ATL1: variants seen among roughly 807,000 people sequenced by gnomAD.
ATL1 encodes the protein atlastin GTPase 1.
Under a neutral mutation model 75.5 loss-of-function variants are expected in ATL1, and 31 were observed. The observed-to-expected ratio is 0.41, with a 90% CI of 0.31 to 0.55. ATL1 has a LOEUF of 0.55. Ranked by LOEUF, ATL1 falls within the 20% of genes least tolerant of loss-of-function variation. The pLI, the probability that ATL1 is intolerant of heterozygous loss-of-function variation, is 0.27. For synonymous variants in ATL1, 226 were observed against 233.3 expected (o/e 0.97, Z 0.28); for missense variants, 405 against 662.6 (o/e 0.61, Z 4.27).
intron 1 of ATL1, 31 bp from the exon 2 acceptor site, chr14:50,587,800 T>G (rs748928335): frequency 4.4e-5 from 71 of 1,613,942 alleles, no homozygotes; most frequent in Non-Finnish European, 5.1e-6. Flanking sequence ...TTGAGATGAT[T>G]AGCTGAACCA....
chr14:50,570,169 C>T (rs2038941469), intron 1 of ATL1, among the ~76,000 whole-genome samples: 2 of 152,146 alleles, frequency 1.3e-5, no homozygotes, highest in African/African-American at 4.8e-5. Context: ...GTAACTATTA[C>T]AATGTGTATG....
At chr14:50,555,885 T>C (rs141877576), upstream of ATL1, among the ~76,000 whole-genome samples, 48 of 152,268 alleles carry the variant, frequency 3.2e-4, no homozygotes, top group African/African-American at 1.1e-3. Flanking sequence ...TTGCTATTTA[T>C]AGAGGGAAGG....
At chr14:50,630,087 TA>T in intron 13 of ATL1, 78 bp downstream of exon 13, 1 of 1,094,016 alleles carries the variant, frequency 9.1e-7, no homozygotes, top group Non-Finnish European at 1.3e-6. Context: ...ACTAAGCCAT[TA>T]AAAGATGTCT....
At chr14:50,584,731 A>T (rs1347785172) in intron 1 of ATL1, among the ~76,000 whole-genome samples, 2 of 151,138 alleles carry the variant, frequency 1.3e-5, no homozygotes, top group African/African-American at 2.4e-5. Flanking sequence ...AAATAAATAA[A>T]AAATAAAATA....
In ATL1 at chr14:50,632,650, A is replaced by G. The variant is rs753479899; in HGVS notation, c.*311A>G. On this transcript the variant is annotated 3_prime_UTR_variant, in exon 14 of 14. Transcript: ENST00000358385. ...ATTTACTAAATTCTACTACTGGGTT[A>G]TAATTAAATCATGTGATATTCCACG... is the stretch of plus-strand genomic sequence containing the variant. 4.1e-6 allele frequency: 1 copy of G among 241,850 alleles called. No homozygotes were observed. The highest frequency in any genetic ancestry group is 8.3e-6 in the Non-Finnish European group (1 of 120,946). The allele number at this position is 241,850 out of a possible 1,614,324, so 15.0% of individuals were successfully genotyped here. A position where few individuals can be genotyped will look rare whatever the true frequency, so the allele number is the denominator to read the frequency against.
intron 6 of ATL1, among the ~76,000 whole-genome samples, chr14:50,611,867 G>A (rs7144714): frequency 0.5 from 76,271 of 151,896 alleles, 20,021 homozygotes; most frequent in East Asian, 0.74. Context: ...ATATCAACCA[G>A]TCCTGAACAT....
chr14:50,628,733 TA>T (rs1357975087), intron 12 of ATL1, among the ~76,000 whole-genome samples: 2 of 152,144 alleles, frequency 1.3e-5, no homozygotes, highest in Non-Finnish European at 2.9e-5. Context: ...TTTTTTTGGG[TA>T]GGGGGGCAGT....
At chr14:50,600,910 C>T (rs2039265501) in intron 6 of ATL1, among the ~76,000 whole-genome samples, 1 of 151,888 alleles carries the variant, frequency 6.6e-6, no homozygotes, top group South Asian at 2.1e-4. Context: ...TGAGATGAGC[C>T]TGAGCAACAT....
intron 10 of ATL1, among the ~76,000 whole-genome samples, chr14:50,622,327 G>C (rs1443628014): frequency 1.3e-5 from 2 of 152,290 alleles, no homozygotes; most frequent in East Asian, 3.9e-4. Context: ...CCAGGAGTTT[G>C]AGTCCAGCCT....
chr14:50,566,449 T>C (rs543077271), intron 1 of ATL1, among the ~76,000 whole-genome samples: 38 of 152,270 alleles, frequency 2.5e-4, no homozygotes, highest in African/African-American at 8.9e-4. Context: ...AAGAGCCTAA[T>C]ATAAAGGGAA....
intron 1 of ATL1, among the ~76,000 whole-genome samples, chr14:50,549,184 C>A (rs925078327): frequency 2.6e-5 from 4 of 152,096 alleles, no homozygotes; most frequent in African/African-American, 4.8e-5. Context: ...CCACCAATAC[C>A]CACTAGGACC....
chr14:50,560,123 C>A, upstream of ATL1: 1 of 951,882 alleles, frequency 1.1e-6, no homozygotes, highest in Non-Finnish European at 1.6e-6. Flanking sequence ...CTCCTTCCCA[C>A]CAGCGCCACA....
chr14:50,579,278 C>A (rs1445488970), intron 1 of ATL1, among the ~76,000 whole-genome samples: 1 of 152,094 alleles, frequency 6.6e-6, no homozygotes, highest in Non-Finnish European at 1.5e-5. Context: ...TGCAGTGGCA[C>A]CTTTGTTGTA....
intron 6 of ATL1, among the ~76,000 whole-genome samples, chr14:50,596,670 G>C (rs1159982410): frequency 6.6e-6 from 1 of 152,156 alleles, no homozygotes; most frequent in Admixed American, 6.5e-5. Context: ...AAGTTAGTAA[G>C]AAAGTGCTCA....
At chr14:50,591,821 TTTAA>T (rs1352022222) in intron 4 of ATL1, 182 bp downstream of exon 4, 17 of 563,392 alleles carry the variant, frequency 3.0e-5, no homozygotes, top group Non-Finnish European at 5.0e-5. Context: ...GTTACTGTAG[TTTAA>T]TTACTGACAA....
chr14:50,627,877 T>C (rs1454578962), intron 11 of ATL1, among the ~76,000 whole-genome samples, 154 bp from the exon 12 acceptor site: 5 of 152,152 alleles, frequency 3.3e-5, no homozygotes, highest in Admixed American at 1.3e-4. Flanking sequence ...GCCTCGTGGA[T>C]AGGGGGTGGA....
intron 4 of ATL1, among the ~76,000 whole-genome samples, chr14:50,593,098 T>C (rs1295698456): frequency 6.6e-6 from 1 of 151,746 alleles, no homozygotes; most frequent in Non-Finnish European, 1.5e-5. Context: ...GTGTAAGCCA[T>C]ACTTATACAA....
intron 1 of ATL1, among the ~76,000 whole-genome samples, chr14:50,582,483 C>T (rs1013502851): frequency 6.7e-5 from 10 of 150,130 alleles, no homozygotes; most frequent in African/African-American, 2.0e-4. Flanking sequence ...GATCTCAGCT[C>T]ACTGCAACCT....
At chr14:50,607,480 CAG>C (rs1204261661) in intron 6 of ATL1, among the ~76,000 whole-genome samples, 2 of 151,950 alleles carry the variant, frequency 1.3e-5, no homozygotes, top group East Asian at 3.9e-4. Context: ...GAGGTGAAAA[CAG>C]TAAGTTTTCT....
Sources: allele counts gnomAD v4.1 joint callset (sites outside exome capture counted in the v4.1 genomes callset), GRCh38; gene constraint gnomAD v4.1.1; transcripts MANE v1.5; gene names NCBI Gene and HGNC (gene_info 2026-07-23, HGNC 2026-07-21).